LRRC27: variants seen among roughly 807,000 people sequenced by gnomAD.
The protein encoded by LRRC27 is leucine-rich repeat-containing protein 27.
LRRC27 carries 57 observed loss-of-function variants against 55.0 expected under a neutral mutation model. The observed-to-expected ratio is 1.04, with a 90% CI of 0.84 to 1.29. LRRC27 has a LOEUF of 1.29. LRRC27 is among the 50% of genes most tolerant of loss of function. LRRC27 has a pLI of 0.00. For missense variants in LRRC27, 721 were observed against 651.5 expected (o/e 1.11, Z -1.16); for synonymous variants, 278 against 251.9 (o/e 1.10, Z -0.98).
intron 9 of LRRC27, among the ~76,000 whole-genome samples, chr10:132,362,325 G>C (rs2068660120): frequency 6.6e-6 from 1 of 152,196 alleles, no homozygotes; most frequent in Non-Finnish European, 1.5e-5. Flanking sequence ...GGGAAGCCTG[G>C]TGCTAACCTG....
At position 132,380,687 on chromosome 10, in the gene LRRC27, G is replaced by A. The variant is rs2069400450; in HGVS notation, c.*5445G>A. ...AAAAAGGGGACATCGGGATGTTCTT[G>A]TGTATTTTTCATGTTGAGCGCAATA... On this transcript the variant is annotated 3_prime_UTR_variant, in exon 11 of 11. Transcript: ENST00000368614. 6.6e-6 allele frequency among the ~76,000 whole-genome samples: 1 copy of A among 152,190 alleles called. No individual in the cohort carries two copies. Among genetic ancestry groups the A allele is most frequent in the Admixed American group, 6.5e-5 (1 of 15,292 alleles).
chr10:132,364,551 A>C (rs1405252945), intron 9 of LRRC27, among the ~76,000 whole-genome samples: 1 of 40,364 alleles, frequency 2.5e-5, no homozygotes, highest in Non-Finnish European at 5.2e-5. Context: ...CTACCTCCAC[A>C]CCCACACTTA....
chr10:132,353,155 C>G (rs1338538810), intron 7 of LRRC27: 2 of 1,436,640 alleles, frequency 1.4e-6, no homozygotes, highest in African/African-American at 1.4e-5. Flanking sequence ...AGCGGGGGCC[C>G]CCAGCAGGAG....
chr10:132,363,751 G>A (rs2068761850), intron 9 of LRRC27, among the ~76,000 whole-genome samples: 1 of 152,154 alleles, frequency 6.6e-6, no homozygotes, highest in South Asian at 2.1e-4. Context: ...CTGCCAGGGG[G>A]CTCCCCACTC....
At chr10:132,373,163 A>G (rs997656248) in intron 10 of LRRC27, among the ~76,000 whole-genome samples, 2 of 152,204 alleles carry the variant, frequency 1.3e-5, no homozygotes, top group Non-Finnish European at 2.9e-5. Context: ...AAAGTTTAAT[A>G]TGTGGCAAAA....
chr10:132,346,081 T>C (rs558518722), intron 5 of LRRC27, among the ~76,000 whole-genome samples: 155 of 152,278 alleles, frequency 1.0e-3, no homozygotes, highest in African/African-American at 3.7e-3. Flanking sequence ...GCAGGATGTC[T>C]GAAGTTACCC....
At chr10:132,341,930 CT>C (rs1590619523) in intron 3 of LRRC27, among the ~76,000 whole-genome samples, 1 of 152,204 alleles carries the variant, frequency 6.6e-6, no homozygotes, top group Non-Finnish European at 1.5e-5. Context: ...GGTGGTACCC[CT>C]GGCATCTGTT....
chr10:132,349,211 A>G (rs114114001), intron 6 of LRRC27, among the ~76,000 whole-genome samples: 2,372 of 152,268 alleles, frequency 0.016, 64 homozygotes, highest in African/African-American at 0.053. Flanking sequence ...GGGGACAACA[A>G]TGGCTTCCTG....
At chr10:132,333,396 A>T in intron 1 of LRRC27, 81 bp from the exon 2 acceptor site, 1 of 549,648 alleles carries the variant, frequency 1.8e-6, no homozygotes, top group Non-Finnish European at 2.9e-6. Context: ...AAGTTACATT[A>T]CAGTAGATCT....
At chr10:132,361,349 C>T in intron 8 of LRRC27, 108 bp from the exon 9 acceptor site, 2 of 960,390 alleles carry the variant, frequency 2.1e-6, no homozygotes, top group Non-Finnish European at 3.4e-6. Context: ...CGGCCTCGGA[C>T]CCACCTCTTC....
At position 132,374,693 on chromosome 10, in the gene LRRC27, G is replaced by C. The variant is rs866281220; in HGVS notation, c.1417-373G>C. Among the ~76,000 whole-genome samples the C allele has an allele frequency of 6.6e-6, 1 of 152,170 alleles. No homozygotes were observed. The highest frequency in any genetic ancestry group is 2.4e-5 in the African/African-American group (1 of 41,424). The stretch of plus-strand genomic sequence containing the variant: ...GGTGATGCTTGCCAAGACACTGCCC[G>C]GGGTGTGGCATCAGCCTTCCCTTTG... On this transcript the variant is annotated intron_variant, in intron 10 of 10. Transcript: ENST00000368614. The surrounding 1 kb of genome is among the most constrained non-coding windows in gnomAD (Gnocchi z 4.4).
Position 132,364,488 on chromosome 10 carries a change from T to TCC in LRRC27, c.1290-936_1290-935insCC, listed in dbSNP as rs1564853702. 4.0e-4 allele frequency among the ~76,000 whole-genome samples: 18 copies of TCC among 44,972 alleles called. 3 individuals are homozygous for TCC. The highest frequency in any genetic ancestry group is 1.1e-3 in the East Asian group (2 of 1,834). The allele number at this position is 44,972 out of a possible 152,430, so 29.5% of individuals were successfully genotyped here. ...ACCCACACTTACACCCACCCACACT[T>TCC]ACACCCACCCTTACATCTACCTCCA... On this transcript the variant is annotated intron_variant, in intron 9 of 10. Coordinates refer to ENST00000368614, the MANE Select transcript of LRRC27 (RefSeq NM_030626.3).
chr10:132,332,888 T>G (rs1183376461), intron 1 of LRRC27, among the ~76,000 whole-genome samples: 1 of 152,182 alleles, frequency 6.6e-6, no homozygotes, highest in Non-Finnish European at 1.5e-5. Context: ...AGTGGAAGTG[T>G]GCCTCGCTGA....
At chr10:132,342,837 A>G (rs533249058) in intron 4 of LRRC27, among the ~76,000 whole-genome samples, 1 of 152,206 alleles carries the variant, frequency 6.6e-6, no homozygotes, top group East Asian at 1.9e-4. Flanking sequence ...TATGAACTTG[A>G]GAAGCATTTT....
rs747613824 is a variant in LRRC27, at chr10:132,333,489, C to A, written c.-36C>A. 2.0e-5 allele frequency: 31 copies of A among 1,530,032 alleles called. No homozygotes were observed. The East Asian group carries it at 7.1e-4, about 35-fold the overall frequency. The allele number at this position is 1,530,032 out of a possible 1,614,324, so 94.8% of individuals were successfully genotyped here. A position where few individuals can be genotyped will look rare whatever the true frequency, so the allele number is the denominator to read the frequency against. Reference sequence around the variant, plus strand: ...CCCGTGTCTCCAGGTGACTCCAGACCAAGGAGGATGAGCTGCTGTCCCTGG... The same window carrying A: ...CCCGTGTCTCCAGGTGACTCCAGACAAAGGAGGATGAGCTGCTGTCCCTGG... On this transcript the variant is annotated 5_prime_UTR_variant, in exon 2 of 11. Coordinates refer to ENST00000368614, the MANE Select transcript of LRRC27 (RefSeq NM_030626.3).
In LRRC27 at chr10:132,333,634, A is replaced by G. The variant is rs2066948185; in HGVS notation, c.110A>G (p.Lys37Arg). The G allele has an allele frequency of 1.2e-6, 2 of 1,613,456 alleles. No individual in the cohort carries two copies. The highest frequency in any genetic ancestry group is 1.7e-6 in the Non-Finnish European group (2 of 1,180,026). The change falls in exon 2 of 11, where the codon AAG becomes AGG. Residue 37 changes from lysine (K) to arginine (R), a missense_variant. Transcript: ENST00000368614. ...LPATPSKDVH[K>R]GVGGIIFSSS... ...GCCACCCCCTCCAAAGATGTTCACA[A>G]GGGTGTTGGAGGCATCATCTTTTCC...
chr10:132,354,268 A>G lies in LRRC27; in HGVS notation c.1074-1522A>G, dbSNP rs562391087. On this transcript the variant is annotated intron_variant, in intron 7 of 10. Transcript: ENST00000368614. ...TTCTTTATTTTCCTGCCTGGAGCCC[A>G]GAGCCAGTGTCCTGCAGTCTCCTAG... Among the ~76,000 whole-genome samples the G allele has an allele frequency of 4.6e-5, 7 of 152,336 alleles. No homozygotes were observed. The South Asian group carries it at 1.2e-3, about 27-fold the overall frequency.
intron 6 of LRRC27, chr10:132,350,539 T>C (rs1420200441): frequency 6.6e-6 from 1 of 152,374 alleles, no homozygotes; most frequent in Non-Finnish European, 1.5e-5. Flanking sequence ...GCTGTTCCCG[T>C]GCAGATGGGG....
chr10:132,367,851 T>G (rs1042509163), intron 10 of LRRC27, among the ~76,000 whole-genome samples: 4 of 152,230 alleles, frequency 2.6e-5, no homozygotes, highest in Non-Finnish European at 5.9e-5. Context: ...ATGCTGGAAC[T>G]CTTAGCTAGT....
Sources: gnomAD v4.1 joint callset for allele counts (sites outside exome capture counted in the v4.1 genomes callset) on GRCh38, gnomAD v4.1.1 for gene constraint, Gnocchi (gnomAD v3.1) non-coding constraint, MANE v1.5 for transcripts, NCBI Gene and HGNC (gene_info 2026-07-23, HGNC 2026-07-21) for gene names.